Variants in ARHGAP15 observed in about 807,000 individuals in gnomAD.
The protein encoded by ARHGAP15 is Rho GTPase activating protein 15.
In ARHGAP15, 51 loss-of-function variants were observed where a neutral mutation model predicts 63.7. The ratio of observed to expected loss-of-function variants is 0.80; its 90% CI spans 0.64 to 1.01. The LOEUF (loss-of-function observed/expected upper bound fraction) is 1.01. ARHGAP15 is among the 50% of genes least tolerant of loss of function. The probability of loss-of-function intolerance (pLI) is 0.00; values close to 1 mark genes in which losing one functional copy is unlikely to be tolerated. For missense variants in ARHGAP15, 560 were observed against 564.6 expected (o/e 0.99, Z 0.08); for synonymous variants, 191 against 193.8 (o/e 0.99, Z 0.12).
intron 9 of ARHGAP15, among the ~76,000 whole-genome samples, chr2:143,512,411 G>A (rs1385607429): frequency 1.3e-5 from 2 of 152,154 alleles, no homozygotes; most frequent in African/African-American, 4.8e-5. Flanking sequence ...ACAAATGGCA[G>A]CAAAATGAGA....
intron 8 of ARHGAP15, among the ~76,000 whole-genome samples, chr2:143,486,369 G>A (rs1372941788): frequency 2.0e-5 from 3 of 148,294 alleles, no homozygotes; most frequent in African/African-American, 5.0e-5. Flanking sequence ...CCAGGAGTTC[G>A]AGACCAGCCT....
intron 2 of ARHGAP15, among the ~76,000 whole-genome samples, chr2:143,178,045 A>G (rs1691077509): frequency 6.6e-6 from 1 of 152,200 alleles, no homozygotes; most frequent in South Asian, 2.1e-4. Flanking sequence ...AATTTTTAAG[A>G]ATATAATGTC....
intron 9 of ARHGAP15, among the ~76,000 whole-genome samples, chr2:143,507,463 C>G (rs1363619447): frequency 6.6e-6 from 1 of 152,136 alleles, no homozygotes; most frequent in African/African-American, 2.4e-5. Context: ...GGATCCTGCT[C>G]TTCTCCCCAT....
intron 6 of ARHGAP15, among the ~76,000 whole-genome samples, chr2:143,366,468 A>T (rs1686296742): frequency 6.6e-6 from 1 of 152,130 alleles, no homozygotes; most frequent in Non-Finnish European, 1.5e-5. Context: ...AATTCAAAAG[A>T]ATAATAATTT....
chr2:143,705,095 C>T (rs779339202), intron 13 of ARHGAP15, among the ~76,000 whole-genome samples: 2 of 152,136 alleles, frequency 1.3e-5, no homozygotes, highest in Non-Finnish European at 2.9e-5. Flanking sequence ...ACTTCTATTT[C>T]ATTAAACAGA....
intron 6 of ARHGAP15, among the ~76,000 whole-genome samples, chr2:143,405,234 T>C (rs1369114565): frequency 3.3e-5 from 5 of 150,848 alleles, no homozygotes; most frequent in Non-Finnish European, 5.9e-5. Flanking sequence ...TACCTTCCTA[T>C]AGCAAAACAA....
At position 143,274,122 on chromosome 2, in the gene ARHGAP15, C is replaced by T. The variant is rs545987961; in HGVS notation, c.474+23522C>T. On this transcript the variant is annotated intron_variant, in intron 6 of 13. Transcript: ENST00000295095. ...TTGTTACCTTTGTCAGTTAGATGGC[C>T]TCATTAAGTACTCTGTTGTATAAAC... is the stretch of plus-strand genomic sequence containing the variant. 2.0e-5 allele frequency among the ~76,000 whole-genome samples: 3 copies of T among 152,068 alleles called. No homozygotes were observed. The South Asian group carries it at 6.2e-4, about 32-fold the overall frequency.
At position 143,519,281 on chromosome 2, in the gene ARHGAP15, C is replaced by T. The variant is rs1052913113; in HGVS notation, c.842C>T (p.Ser281Phe). ...TCTTTTGCAGATCAAATTTTTGGCT[C>T]TCATCTGCACAAAGTGTGTGAACGT... ...KGLIKDQIFG[S>F]HLHKVCEREN... Residue 281 changes from serine (S) to phenylalanine (F), a missense_variant, in exon 10 of 14, where the codon TCT becomes TTT. Physicochemically the swap from Ser to Phe is radical, Grantham distance 155 (BLOSUM62 -2). Transcript: ENST00000295095. The T allele has an allele frequency of 3.7e-6, 6 of 1,612,636 alleles. No individual in the cohort carries two copies. Among genetic ancestry groups the T allele is most frequent in the Admixed American group, 1.7e-5 (1 of 59,950 alleles).
intron 11 of ARHGAP15, chr2:143,607,456 C>T (rs1271503413): frequency 6.6e-6 from 1 of 151,822 alleles, no homozygotes; most frequent in East Asian, 1.9e-4. Context: ...ATTTAAATAC[C>T]AGCTACCTAT....
chr2:143,679,245 T>C (rs1682977961), intron 12 of ARHGAP15, among the ~76,000 whole-genome samples: 1 of 152,184 alleles, frequency 6.6e-6, no homozygotes, highest in Non-Finnish European at 1.5e-5. Context: ...GCAAAACAGA[T>C]TTTTAAAGTT....
At chr2:143,542,916 A>G (rs1695167898) in intron 10 of ARHGAP15, among the ~76,000 whole-genome samples, 1 of 147,946 alleles carries the variant, frequency 6.8e-6, no homozygotes, top group African/African-American at 2.5e-5. Context: ...CATATGATAT[A>G]TATAATATCA....
intron 11 of ARHGAP15, among the ~76,000 whole-genome samples, chr2:143,621,758 A>G (rs1698656450): frequency 6.6e-6 from 1 of 152,168 alleles, no homozygotes; most frequent in Non-Finnish European, 1.5e-5. Context: ...TTTTCTTTAG[A>G]TATCACTATG....
chr2:143,539,165 G>A (rs565559753), intron 10 of ARHGAP15, among the ~76,000 whole-genome samples: 1 of 152,260 alleles, frequency 6.6e-6, no homozygotes, highest in South Asian at 2.1e-4. Context: ...GTTTATTTGT[G>A]TAGAGGTATT....
Position 143,289,597 on chromosome 2 carries a change from GCTT to G in ARHGAP15, c.474+39002_474+39004del, listed in dbSNP as rs1682287557. 3.3e-5 allele frequency among the ~76,000 whole-genome samples: 5 copies of G among 152,296 alleles called. No homozygotes were observed. In the South Asian group the frequency reaches 1.0e-3, roughly 32 times the overall value. ...AGGGCACAGGCTGGAGAGATTCAAAGCTTCTTCCTGCTTATCCCACCCAGATGT... is the reference window on the plus strand; with the variant it reads ...AGGGCACAGGCTGGAGAGATTCAAAGCTTCCTGCTTATCCCACCCAGATGT... On this transcript the variant is annotated intron_variant, in intron 6 of 13. Transcript: ENST00000295095.
In ARHGAP15 at chr2:143,588,933, T is replaced by C. The variant is rs1697214345; in HGVS notation, c.1003+32448T>C. On this transcript the variant is annotated intron_variant, in intron 11 of 13. Transcript: ENST00000295095. ...CAGTTTCTCTGCCCTTTTTATAACC[T>C]ACTTCCTGATTCAAGACATTGGGTC... 4.6e-5 allele frequency among the ~76,000 whole-genome samples: 7 copies of C among 152,286 alleles called. No homozygotes were observed. In the South Asian group the frequency reaches 1.5e-3, roughly 32 times the overall value.
intron 6 of ARHGAP15, among the ~76,000 whole-genome samples, chr2:143,348,120 C>T (rs1336841517): frequency 6.6e-6 from 1 of 152,028 alleles, no homozygotes; most frequent in Non-Finnish European, 1.5e-5. Context: ...CCCCAGTAAC[C>T]TATTGGGGCA....
intron 10 of ARHGAP15, among the ~76,000 whole-genome samples, chr2:143,555,796 T>A (rs946753518): frequency 2.6e-5 from 4 of 152,058 alleles, no homozygotes; most frequent in Non-Finnish European, 4.4e-5. Context: ...AGAATAGAAT[T>A]TTTACTCTTT....
chr2:143,391,998 G>A lies in ARHGAP15; in HGVS notation c.475-43603G>A, dbSNP rs372200826. On this transcript the variant is annotated intron_variant, in intron 6 of 13. Transcript: ENST00000295095. ...CATAGGCTATCCAAGAGATTCCTGA[G>A]GGGAAATTAGAGGTCCACTGGCTTT... is the stretch of plus-strand genomic sequence containing the variant. Among the ~76,000 whole-genome samples, 58 of 152,168 alleles carry A rather than the reference G, an allele frequency of 3.8e-4. No homozygotes were observed. In the South Asian group the frequency reaches 0.011, roughly 28 times the overall value.
intron 1 of ARHGAP15, among the ~76,000 whole-genome samples, chr2:143,141,749 C>T (rs3845643): frequency 2.0e-5 from 3 of 151,946 alleles, no homozygotes; most frequent in Admixed American, 6.6e-5. Context: ...TCTTCATTTG[C>T]GATCTTACCA....
Sources: allele counts gnomAD v4.1 joint callset (sites outside exome capture counted in the v4.1 genomes callset), GRCh38; gene constraint gnomAD v4.1.1; transcripts MANE v1.5; gene names NCBI Gene and HGNC (gene_info 2026-07-23, HGNC 2026-07-21).